GRIP1: variants seen among roughly 807,000 people sequenced by gnomAD.
GRIP1 encodes glutamate receptor-interacting protein 1.
A neutral mutation model predicts 129.9 loss-of-function variants in GRIP1; 45 were observed. The observed-to-expected ratio is 0.35, with a 90% confidence interval of 0.27 to 0.44. The LOEUF is 0.44. Ranked by LOEUF, GRIP1 falls within the 20% of genes least tolerant of loss-of-function variation. GRIP1 has a pLI of 1.00. For synonymous variants in GRIP1, 530 were observed against 520.8 expected, an observed-to-expected ratio of 1.02 and a Z score of -0.24; for missense variants, 1,196 against 1,396.8, an observed-to-expected ratio of 0.86 and a Z score of 2.29.
intron 1 of GRIP1, among the ~76,000 whole-genome samples, chr12:66,978,388 C>A (rs1207281541): frequency 2.6e-5 from 4 of 152,128 alleles, no homozygotes; most frequent in Non-Finnish European, 5.9e-5. Flanking sequence ...GAATCATAAA[C>A]CAAAATGAAA....
At chr12:66,930,908 G>A (rs1328170415) in intron 1 of GRIP1, among the ~76,000 whole-genome samples, 1 of 152,158 alleles carries the variant, frequency 6.6e-6, no homozygotes, top group Non-Finnish European at 1.5e-5. Context: ...GAAGATACAT[G>A]TGCTGTATCT....
intron 7 of GRIP1, among the ~76,000 whole-genome samples, chr12:66,509,717 T>C (rs1256342697): frequency 1.3e-5 from 2 of 152,112 alleles, no homozygotes; most frequent in East Asian, 1.9e-4. Context: ...AAACACTGCA[T>C]GTTCTCACTT....
chr12:66,901,609 T>C (rs1352575975), intron 1 of GRIP1, among the ~76,000 whole-genome samples: 1 of 152,250 alleles, frequency 6.6e-6, no homozygotes. Flanking sequence ...TTCAAGGCTA[T>C]GTCAGGAAAG....
At chr12:67,046,004 G>T (rs1478008342) in intron 1 of GRIP1, among the ~76,000 whole-genome samples, 1 of 152,200 alleles carries the variant, frequency 6.6e-6, no homozygotes, top group Non-Finnish European at 1.5e-5. Context: ...AAATTTTGAT[G>T]TCTGAAGCAC....
chr12:66,765,617 C>T (rs1264256979), intron 1 of GRIP1, among the ~76,000 whole-genome samples: 1 of 152,180 alleles, frequency 6.6e-6, no homozygotes, highest in Non-Finnish European at 1.5e-5. Flanking sequence ...TTGCTTCACA[C>T]TCCATGGTAG....
intron 1 of GRIP1, among the ~76,000 whole-genome samples, chr12:66,847,439 T>C (rs896409539): frequency 6.6e-6 from 1 of 152,180 alleles, no homozygotes; most frequent in African/African-American, 2.4e-5. Context: ...GAGAAGATAT[T>C]AGTTGTAAGG....
At position 66,610,622 on chromosome 12, in the gene GRIP1, G is replaced by A. The variant is rs185074427; in HGVS notation, c.56-13695C>T. 2.2e-3 allele frequency among the ~76,000 whole-genome samples: 328 copies of A among 152,186 alleles called. 2 individuals carry two copies. The highest frequency in any genetic ancestry group is 7.5e-3 in the African/African-American group (312 of 41,530). On this transcript the variant is annotated intron_variant, in intron 1 of 24. Coordinates refer to ENST00000359742, the MANE Select transcript of GRIP1 (RefSeq NM_001366722.1). ...TCCTTTATATAATTCATGGACTTTG[G>A]ATTTCTACATTTGAGATTGCCATAT...
chr12:66,844,545 A>C (rs1221893486), intron 1 of GRIP1, among the ~76,000 whole-genome samples: 2 of 152,210 alleles, frequency 1.3e-5, no homozygotes, highest in Non-Finnish European at 2.9e-5. Context: ...TATGGAAAAC[A>C]ATATGACTTC....
chr12:66,592,180 C>G (rs2063872750), intron 2 of GRIP1, among the ~76,000 whole-genome samples: 1 of 152,178 alleles, frequency 6.6e-6, no homozygotes, highest in Non-Finnish European at 1.5e-5. Context: ...ACCAGCTCCT[C>G]CCTGGTGTCA....
intron 1 of GRIP1, among the ~76,000 whole-genome samples, chr12:66,688,276 T>C (rs2034854227): frequency 6.6e-6 from 1 of 152,214 alleles, no homozygotes; most frequent in African/African-American, 2.4e-5. Flanking sequence ...GTTGTGTCTC[T>C]AAAATTCCTT....
intron 1 of GRIP1, among the ~76,000 whole-genome samples, chr12:66,883,408 T>C (rs2040512879): frequency 6.6e-6 from 1 of 152,164 alleles, no homozygotes; most frequent in South Asian, 2.1e-4. Flanking sequence ...TAAATCTATA[T>C]TGAACAAGCA....
intron 7 of GRIP1, among the ~76,000 whole-genome samples, chr12:66,512,356 TAG>T (rs1406952251): frequency 6.6e-6 from 1 of 152,138 alleles, no homozygotes; most frequent in Non-Finnish European, 1.5e-5. Flanking sequence ...TGGAAATTCC[TAG>T]AGACTTGTTG....
chr12:66,963,576 A>G (rs553796561), intron 1 of GRIP1, among the ~76,000 whole-genome samples: 2 of 152,336 alleles, frequency 1.3e-5, no homozygotes, highest in African/African-American at 4.8e-5. Flanking sequence ...TCTGTAATGT[A>G]ATGACAAACA....
At chr12:66,352,548 C>T (rs550851205) in intron 24 of GRIP1, among the ~76,000 whole-genome samples, 2 of 152,094 alleles carry the variant, frequency 1.3e-5, no homozygotes, top group East Asian at 3.9e-4. Flanking sequence ...GCCTGGCCAA[C>T]CTGGTGAAAC....
At chr12:66,394,046 C>T (rs192784313) in intron 17 of GRIP1, among the ~76,000 whole-genome samples, 162 bp downstream of exon 17, 3 of 152,254 alleles carry the variant, frequency 2.0e-5, no homozygotes, top group African/African-American at 4.8e-5. Flanking sequence ...AGAGTCAAGT[C>T]GGAACTCTGC....
chr12:66,539,019 G>C, intron 4 of GRIP1, 59 bp downstream of exon 4: 1 of 1,408,310 alleles, frequency 7.1e-7, no homozygotes. Flanking sequence ...GCAGTTTTAG[G>C]CATCCACTGG....
chr12:67,064,290 C>T (rs759307641), intron 1 of GRIP1, among the ~76,000 whole-genome samples: 3 of 152,104 alleles, frequency 2.0e-5, no homozygotes, highest in South Asian at 4.1e-4. Flanking sequence ...GAATTTTGTC[C>T]GAAAGGGAAA....
intron 1 of GRIP1, among the ~76,000 whole-genome samples, chr12:67,053,400 C>A (rs1218801762): frequency 6.6e-6 from 1 of 152,152 alleles, no homozygotes; most frequent in Non-Finnish European, 1.5e-5. Context: ...ACATCTACAC[C>A]ATGTCTTGAC....
At chr12:67,035,851 C>T (rs1343946260) in intron 1 of GRIP1, among the ~76,000 whole-genome samples, 4 of 152,224 alleles carry the variant, frequency 2.6e-5, no homozygotes, top group African/African-American at 4.8e-5. Context: ...TATCTATTTA[C>T]GTGCATTTTT....
Sources: gnomAD v4.1 joint callset for allele counts (sites outside exome capture counted in the v4.1 genomes callset) on GRCh38, gnomAD v4.1.1 for gene constraint, MANE v1.5 for transcripts, NCBI Gene and HGNC (gene_info 2026-07-23, HGNC 2026-07-21) for gene names.